PPARA: variants seen among roughly 807,000 people sequenced by gnomAD.
PPARA encodes peroxisome proliferator activated receptor alpha.
PPARA carries 22 observed loss-of-function variants against 42.2 expected under a neutral mutation model. The ratio of observed to expected loss-of-function variants is 0.52; its 90% CI spans 0.37 to 0.74. PPARA has a LOEUF of 0.74. PPARA is among the 30% of genes least tolerant of loss of function. PPARA has a pLI of 0.00. For synonymous variants in PPARA, 242 were observed against 239.3 expected (o/e 1.01, Z -0.10); for missense variants, 465 against 608.2 (o/e 0.76, Z 2.48).
chr22:46,214,998 T>C (rs567818813), intron 4 of PPARA, among the ~76,000 whole-genome samples, 175 bp from the exon 5 acceptor site: 1 of 152,164 alleles, frequency 6.6e-6, no homozygotes, highest in African/African-American at 2.4e-5. Context: ...CAATGGCAGC[T>C]GTAGGAGTGC....
Position 46,175,558 on chromosome 22 carries a change from C to T in PPARA, c.-126-1195C>T, listed in dbSNP as rs548354462. 8.6e-4 allele frequency among the ~76,000 whole-genome samples: 131 copies of T among 151,832 alleles called. 1 individual carries two copies. The highest frequency in any genetic ancestry group is 2.8e-3 in the African/African-American group (118 of 41,422). Reference sequence around the variant, plus strand: ...GAAACCCCATCTCTACTAAAAAATACAAAAAATTAGCCAAGCGTGGTGGCG... The same window carrying T: ...GAAACCCCATCTCTACTAAAAAATATAAAAAATTAGCCAAGCGTGGTGGCG... On this transcript the variant is annotated intron_variant, in intron 2 of 8. Coordinates refer to ENST00000407236, the MANE Select transcript of PPARA (RefSeq NM_005036.6).
At chr22:46,177,050 A>T (rs578180574) in intron 3 of PPARA, among the ~76,000 whole-genome samples, 1 of 152,096 alleles carries the variant, frequency 6.6e-6, no homozygotes, top group African/African-American at 2.4e-5. Flanking sequence ...CTCTACTACA[A>T]ATACAAAAAA....
chr22:46,185,894 C>CAAAAA lies in PPARA; in HGVS notation c.-43+9058_-43+9059insAAAAA, dbSNP rs1279499029. ...TGGGTGACAAAGTGAGACTCCGTCT[C>CAAAAA]CAAAAAAAAAAAAAAAAAAAAAATA... On this transcript the variant is annotated intron_variant, in intron 3 of 8. Coordinates refer to ENST00000407236, the MANE Select transcript of PPARA (RefSeq NM_005036.6). 1.4e-3 allele frequency among the ~76,000 whole-genome samples: 30 copies of CAAAAA among 20,856 alleles called. 8 individuals carry two copies. Among genetic ancestry groups the CAAAAA allele is most frequent in the African/African-American group, 7.4e-3 (27 of 3,672 alleles). The allele number at this position is 20,856 out of a possible 152,430, so 13.7% of individuals were successfully genotyped here.
At position 46,240,342 on chromosome 22, in the gene PPARA, C is replaced by T. The variant is rs935860409; in HGVS notation, c.*4962C>T. Reference sequence around the variant, plus strand: ...GTTGCTAGCCGCTGGTCCCCAGGCACGGTGCACTTTCTCCACCTCCTGCAG... The same window carrying T: ...GTTGCTAGCCGCTGGTCCCCAGGCATGGTGCACTTTCTCCACCTCCTGCAG... On this transcript the variant is annotated 3_prime_UTR_variant, in exon 9 of 9. Transcript: ENST00000407236. The surrounding 1 kb of genome is among the most constrained non-coding windows in gnomAD (Gnocchi z 6.0). 8 of 397,584 alleles carry T rather than the reference C, an allele frequency of 2.0e-5. No homozygotes were observed. The highest frequency in any genetic ancestry group is 6.2e-5 in the African/African-American group (3 of 48,612). 24.6% of individuals were successfully genotyped at this position (397,584 alleles called of 1,614,324 possible). A position where few individuals can be genotyped will look rare whatever the true frequency, so the allele number is the denominator to read the frequency against.
chr22:46,217,158 G>T (rs1336774949), intron 5 of PPARA, among the ~76,000 whole-genome samples: 1 of 152,010 alleles, frequency 6.6e-6, no homozygotes, highest in African/African-American at 2.4e-5. Flanking sequence ...GCGTTCCTCA[G>T]CCTCCCCACT....
chr22:46,193,313 C>T lies in PPARA; in HGVS notation c.-42-5029C>T, dbSNP rs909172815. Among the ~76,000 whole-genome samples the T allele has an allele frequency of 1.3e-5, 2 of 152,190 alleles. No individual in the cohort carries two copies. Among genetic ancestry groups the T allele is most frequent in the South Asian group, 2.1e-4 (1 of 4,832 alleles). The stretch of plus-strand genomic sequence containing the variant: ...AACTCCTGACCTCAAGTGATCCACT[C>T]GCCTTGGCCTCCCAAATGCTCAGAT... On this transcript the variant is annotated intron_variant, in intron 3 of 8. Transcript: ENST00000407236. This position sits in a 1 kb window ranked among gnomAD's most constrained non-coding sequence, Gnocchi z 5.3.
In PPARA at chr22:46,217,717, G is replaced by T. The variant is rs369321636; in HGVS notation, c.370-546G>T. Among the ~76,000 whole-genome samples, 88 of 151,450 alleles carry T rather than the reference G, an allele frequency of 5.8e-4. 1 individual carries two copies. The South Asian group carries it at 7.3e-3, about 13-fold the overall frequency. ...GATGAGGGCATTTTGAAATGACTTC[G>T]AATGCTGCCTCATTTTATTGTTTTT... On this transcript the variant is annotated intron_variant, in intron 5 of 8. Coordinates refer to ENST00000407236, the MANE Select transcript of PPARA (RefSeq NM_005036.6).
chr22:46,206,104 A>G (rs1040138095), intron 4 of PPARA, among the ~76,000 whole-genome samples: 2 of 150,552 alleles, frequency 1.3e-5, no homozygotes, highest in African/African-American at 4.9e-5. Context: ...GTTTTGTTTC[A>G]TTTAATTTTG....
intron 7 of PPARA, among the ~76,000 whole-genome samples, chr22:46,226,055 CAT>C (rs200822537): frequency 0.02 from 3,078 of 152,072 alleles, 95 homozygotes; most frequent in African/African-American, 0.071. Flanking sequence ...ACAAACTACA[CAT>C]GTGCTTATAC....
In PPARA at chr22:46,189,703, A is replaced by AT. The variant is rs1055492161; in HGVS notation, c.-42-8631dup. 1.4e-3 allele frequency among the ~76,000 whole-genome samples: 202 copies of AT among 141,016 alleles called. 1 individual carries two copies. The highest frequency in any genetic ancestry group is 4.9e-3 in the African/African-American group (188 of 38,048). 92.5% of individuals were successfully genotyped at this position (141,016 alleles called of 152,430 possible). A position where few individuals can be genotyped will look rare whatever the true frequency, so the allele number is the denominator to read the frequency against. On this transcript the variant is annotated intron_variant, in intron 3 of 8. Transcript: ENST00000407236. ...AATGATTAATCTTTTCTTTCTTTCT[A>AT]TTTTTTTTCTTTTTTTTTTTTGAGA...
At chr22:46,170,402 ATTTTT>A (rs935185946) in intron 2 of PPARA, among the ~76,000 whole-genome samples, 43 of 64,236 alleles carry the variant, frequency 6.7e-4, no homozygotes, top group African/African-American at 2.4e-3. Flanking sequence ...CACCCAGCTA[ATTTTT>A]TTTTTTTTTT....
Position 46,195,800 on chromosome 22 carries a change from AC to A in PPARA, c.-42-2537del, listed in dbSNP as rs1555945914. ...CTGACAGTGGCTGGTAGCAGCACATACCCCCGAGCCTCTCCGTGGTGTGCGC... is the reference window on the plus strand; with the variant it reads ...CTGACAGTGGCTGGTAGCAGCACATACCCCGAGCCTCTCCGTGGTGTGCGC... On this transcript the variant is annotated intron_variant, in intron 3 of 8. Transcript: ENST00000407236. This position sits in a 1 kb window ranked among gnomAD's most constrained non-coding sequence, Gnocchi z 4.6. Among the ~76,000 whole-genome samples, 2 of 151,720 alleles carry A rather than the reference AC, an allele frequency of 1.3e-5. No homozygotes were observed. The highest frequency in any genetic ancestry group is 1.9e-4 in the East Asian group (1 of 5,160).
rs1934505375 is a variant in PPARA, at chr22:46,216,480, C to T, written c.369+1147C>T. On this transcript the variant is annotated intron_variant, in intron 5 of 8. Coordinates refer to ENST00000407236, the MANE Select transcript of PPARA (RefSeq NM_005036.6). The surrounding 1 kb of genome is among the most constrained non-coding windows in gnomAD (Gnocchi z 4.5). ...GAGCTGTTACCGTTGATCTCTGGAG[C>T]CTCCCTGAAGGCCAGGTGGGGCAGG... Among the ~76,000 whole-genome samples, 1 of 152,128 alleles carries T rather than the reference C, an allele frequency of 6.6e-6. No homozygotes were observed. The highest frequency in any genetic ancestry group is 2.4e-5 in the African/African-American group (1 of 41,430).
In PPARA at chr22:46,230,490, C is replaced by T. The variant is rs1206287779; in HGVS notation, c.712-1302C>T. 6.6e-6 allele frequency among the ~76,000 whole-genome samples: 1 copy of T among 152,236 alleles called. No individual in the cohort carries two copies. Among genetic ancestry groups the T allele is most frequent in the Non-Finnish European group, 1.5e-5 (1 of 68,046 alleles). On this transcript the variant is annotated intron_variant, in intron 7 of 8. Coordinates refer to ENST00000407236, the MANE Select transcript of PPARA (RefSeq NM_005036.6). This position sits in a 1 kb window ranked among gnomAD's most constrained non-coding sequence, Gnocchi z 5.0. ...TGTTGTCACTTTCCTGCTCTACCCG[C>T]AGATGTAAATTTCAGCCAACAGCAG...
At chr22:46,197,154 A>C (rs1215338730) in intron 3 of PPARA, among the ~76,000 whole-genome samples, 1 of 148,186 alleles carries the variant, frequency 6.7e-6, no homozygotes, top group Non-Finnish European at 1.5e-5. Flanking sequence ...GGTTCAAGTG[A>C]TTCTCCTGCC....
rs1042126119 is a variant in PPARA at position 46,238,141 on chromosome 22, A to G, written c.*2761A>G. ...AAGGCCCAGCAAGACTTCCAGGGAC[A>G]TCTCTGGTGAAGCCAGAATGGAGAC... On this transcript the variant is annotated 3_prime_UTR_variant, in exon 9 of 9. Coordinates refer to ENST00000407236, the MANE Select transcript of PPARA (RefSeq NM_005036.6). This position sits in a 1 kb window ranked among gnomAD's most constrained non-coding sequence, Gnocchi z 8.3. 1 of 152,242 alleles carries G rather than the reference A, an allele frequency of 6.6e-6. No homozygotes were observed. The highest frequency in any genetic ancestry group is 1.5e-5 in the Non-Finnish European group (1 of 68,042). 9.4% of individuals were successfully genotyped at this position (152,242 alleles called of 1,614,324 possible).
rs1935905117 is a variant in PPARA at position 46,231,959 on chromosome 22, C to A, written c.879C>A (p.Ala293=). The A allele has an allele frequency of 5.0e-6, 8 of 1,614,218 alleles. No homozygotes were observed. Among genetic ancestry groups the A allele is most frequent in the Non-Finnish European group, 6.8e-6 (8 of 1,180,048 alleles). ...CGGAGCTCACGGAATTCGCCAAGGC[C>A]ATCCCAGGCTTCGCAAACTTGGACC... ...TVTELTEFAK[A]IPGFANLDLN... is the part of the protein sequence containing the mutation. The change falls in exon 8 of 9, where the codon GCC becomes GCA. Residue 293 remains alanine, a synonymous_variant. Coordinates refer to ENST00000407236, the MANE Select transcript of PPARA (RefSeq NM_005036.6). The surrounding 1 kb of genome is among the most constrained non-coding windows in gnomAD (Gnocchi z 7.7).
In PPARA at chr22:46,210,442, T is replaced by G. The variant is rs185889588; in HGVS notation, c.209-4731T>G. On this transcript the variant is annotated intron_variant, in intron 4 of 8. Coordinates refer to ENST00000407236, the MANE Select transcript of PPARA (RefSeq NM_005036.6). ...TGATTCTTCATGTGTCCTGTAATTT[T>G]CTTTTCTTTTTTTTTTTGGAGATGG... Among the ~76,000 whole-genome samples the G allele has an allele frequency of 5.0e-3, 759 of 151,640 alleles. 3 individuals carry two copies. The highest frequency in any genetic ancestry group is 8.1e-3 in the Non-Finnish European group (554 of 68,002).
Position 46,183,569 on chromosome 22 carries a change from C to T in PPARA, c.-43+6733C>T, listed in dbSNP as rs113699145. Among the ~76,000 whole-genome samples, 3 of 152,200 alleles carry T rather than the reference C, an allele frequency of 2.0e-5. No individual in the cohort carries two copies. The highest frequency in any genetic ancestry group is 7.2e-5 in the African/African-American group (3 of 41,540). On this transcript the variant is annotated intron_variant, in intron 3 of 8. Coordinates refer to ENST00000407236, the MANE Select transcript of PPARA (RefSeq NM_005036.6). This position sits in a 1 kb window ranked among gnomAD's most constrained non-coding sequence, Gnocchi z 5.5. The stretch of plus-strand genomic sequence containing the variant: ...CCAGCCTGGGCAACATGGCGAAACC[C>T]TGTCTATACAAAAAATAGAAAAATT...
Sources: allele counts gnomAD v4.1 joint callset (sites outside exome capture counted in the v4.1 genomes callset), GRCh38; gene constraint gnomAD v4.1.1; non-coding constraint Gnocchi (gnomAD v3.1); transcripts MANE v1.5; gene names NCBI Gene and HGNC (gene_info 2026-07-23, HGNC 2026-07-21).